Variants in OTOGL observed in about 807,000 individuals in gnomAD.
The protein encoded by OTOGL is otogelin-like protein.
Under a neutral mutation model 318.5 loss-of-function variants are expected in OTOGL, and 285 were observed. The ratio of observed to expected loss-of-function variants is 0.89; its 90% CI spans 0.81 to 0.99. The LOEUF (loss-of-function observed/expected upper bound fraction) is 0.99. Among genes scored for constraint, OTOGL ranks in the 50% least tolerant of loss-of-function variants. The pLI is 0.00. For missense variants in OTOGL, 2,899 were observed against 2,845.6 expected (o/e 1.02, Z -0.43); for synonymous variants, 987 against 936.5 (o/e 1.05, Z -0.99).
At chr12:80,221,029 G>A (rs1878270832) in intron 6 of OTOGL, among the ~76,000 whole-genome samples, 1 of 151,958 alleles carries the variant, frequency 6.6e-6, no homozygotes, top group Non-Finnish European at 1.5e-5. Context: ...TTACCTTTAT[G>A]CCCCCCACCC....
At chr12:80,130,209 G>T (rs1362042530) in intron 1 of OTOGL, among the ~76,000 whole-genome samples, 2 of 152,090 alleles carry the variant, frequency 1.3e-5, no homozygotes, top group African/African-American at 4.8e-5. Flanking sequence ...CATGCCCTGT[G>T]TTTGGAAGAG....
rs187733240 is a variant in OTOGL, at chr12:80,364,003, G to A, written c.6268-2571G>A. Among the ~76,000 whole-genome samples, 213 of 152,152 alleles carry A rather than the reference G, an allele frequency of 1.4e-3. 2 individuals carry two copies. Among genetic ancestry groups the A allele is most frequent in the Non-Finnish European group, 5.4e-4 (37 of 68,020 alleles). On this transcript the variant is annotated intron_variant, in intron 52 of 58. Transcript: ENST00000547103. The stretch of plus-strand genomic sequence containing the variant: ...TTTTCCCTCCCCAGCATTTGTGCTA[G>A]ATGCTGGCCCATCTAGCTTATTTCC...
chr12:80,256,246 T>C, intron 16 of OTOGL, 91 bp from the exon 17 acceptor site: 4 of 1,383,132 alleles, frequency 2.9e-6, no homozygotes, highest in Non-Finnish European at 9.8e-7. Flanking sequence ...CTTTCTCCCC[T>C]TCTCCCTTTC....
rs556305273 is a variant in OTOGL, at chr12:80,320,657, T to C, written c.4038T>C (p.Asp1346=). ...TDSSVKASKY[D]DSEEFKHSSS... ...CTAGTGTCAAAGCATCAAAATATGA[T>C]GATTCTGAAGAATTTAAACATTCAA... Residue 1346 remains aspartate (D), a synonymous_variant, in exon 34 of 59, where the codon GAT becomes GAC. Coordinates refer to ENST00000547103, the MANE Select transcript of OTOGL (RefSeq NM_001378609.3). 5 of 1,608,304 alleles carry C rather than the reference T, an allele frequency of 3.1e-6. No homozygotes were observed. The African/African-American group carries it at 4.0e-5, about 13-fold the overall frequency.
intron 1 of OTOGL, among the ~76,000 whole-genome samples, chr12:80,139,137 G>T (rs1871763452): frequency 6.6e-6 from 1 of 152,136 alleles, no homozygotes; most frequent in Non-Finnish European, 1.5e-5. Flanking sequence ...GGTGCAGATT[G>T]CTGGTGAGGA....
In OTOGL at chr12:80,378,472, T is replaced by C. The variant is rs1238889877; in HGVS notation, c.*424T>C. 6.3e-6 allele frequency: 1 copy of C among 158,392 alleles called. No individual in the cohort carries two copies. Among genetic ancestry groups the C allele is most frequent in the Non-Finnish European group, 1.4e-5 (1 of 71,382 alleles). The allele number at this position is 158,392 out of a possible 1,614,324, so 9.8% of individuals were successfully genotyped here. ...CCTTAATCTGGTAAATGTGATCAGTTAAAATTGTCATCTAGATAGCAATAA... is the reference window on the plus strand; with the variant it reads ...CCTTAATCTGGTAAATGTGATCAGTCAAAATTGTCATCTAGATAGCAATAA... On this transcript the variant is annotated 3_prime_UTR_variant, in exon 59 of 59. Transcript: ENST00000547103.
chr12:80,235,242 A>T (rs553346253), intron 9 of OTOGL, among the ~76,000 whole-genome samples: 2 of 152,192 alleles, frequency 1.3e-5, no homozygotes, highest in South Asian at 4.1e-4. Context: ...AGGCAGGTGG[A>T]TCACCTGAGG....
chr12:80,222,149 T>G lies in OTOGL; in HGVS notation c.393T>G (p.Phe131Leu). 1 of 1,598,458 alleles carries G rather than the reference T, an allele frequency of 6.3e-7. No individual in the cohort carries two copies. Among genetic ancestry groups the G allele is most frequent in the Non-Finnish European group, 8.5e-7 (1 of 1,178,894 alleles). ...GICKTWGQYH[F>L]ETFDGIYYYF... ...GTAAAACCTGGGGACAGTATCATTT[T>G]GAAACATTCGATGGCATCTACTATT... is the stretch of plus-strand genomic sequence containing the variant. Residue 131 changes from phenylalanine to leucine, a missense_variant, in exon 7 of 59, where the codon TTT becomes TTG. Around this residue, in one of 3 missense-constraint regions of OTOGL, gnomAD observed 2,607 missense variants for 2,524.9 expected, o/e 1.03. Coordinates refer to ENST00000547103, the MANE Select transcript of OTOGL (RefSeq NM_001378609.3).
intron 44 of OTOGL, among the ~76,000 whole-genome samples, chr12:80,348,574 A>C (rs1230760005): frequency 6.6e-6 from 1 of 152,182 alleles, no homozygotes; most frequent in Non-Finnish European, 1.5e-5. Context: ...CAAAGCAGGC[A>C]GAATAGTATC....
Position 80,217,682 on chromosome 12 carries a change from G to C in OTOGL, c.235+18G>C. The C allele has an allele frequency of 6.8e-7, 1 of 1,474,904 alleles. No individual in the cohort carries two copies. The highest frequency in any genetic ancestry group is 1.7e-4 in the Middle Eastern group (1 of 5,820). 91.4% of individuals were successfully genotyped at this position (1,474,904 alleles called of 1,614,324 possible). On this transcript the variant is annotated intron_variant, in intron 5 of 58. Transcript: ENST00000547103. ...AATAAAAGGTCAGTGTTTATACTTA[G>C]GTTTTCATATTTGCTTTCTCAGAAA...
In OTOGL at chr12:80,336,147, T is replaced by C; in HGVS notation, c.4600+7T>C. 1.3e-6 allele frequency: 2 copies of C among 1,571,262 alleles called. No individual in the cohort carries two copies. Among genetic ancestry groups the C allele is most frequent in the Non-Finnish European group, 1.7e-6 (2 of 1,170,554 alleles). On this transcript the variant is annotated splice_region_variant and intron_variant, in intron 39 of 58. Coordinates refer to ENST00000547103, the MANE Select transcript of OTOGL (RefSeq NM_001378609.3). Reference sequence around the variant, plus strand: ...CCTGAGTGGGAATGTCCTTGTAAGTTTGCATTTCTTAAGCGGTGATCTTTT... The same window carrying C: ...CCTGAGTGGGAATGTCCTTGTAAGTCTGCATTTCTTAAGCGGTGATCTTTT...
intron 45 of OTOGL, among the ~76,000 whole-genome samples, chr12:80,352,961 G>A (rs1405595890): frequency 6.6e-6 from 1 of 152,112 alleles, no homozygotes; most frequent in Admixed American, 6.6e-5. Flanking sequence ...TACTGAAAGT[G>A]TATTTTGGTT....
intron 1 of OTOGL, among the ~76,000 whole-genome samples, chr12:80,206,242 A>T (rs954797453): frequency 3.3e-5 from 5 of 151,446 alleles, no homozygotes; most frequent in African/African-American, 1.2e-4. Context: ...TTTCATCTAA[A>T]CTCTCTTCTA....
intron 9 of OTOGL, among the ~76,000 whole-genome samples, chr12:80,235,623 G>A (rs974469858): frequency 1.3e-4 from 20 of 152,126 alleles, no homozygotes; most frequent in Non-Finnish European, 2.9e-4. Flanking sequence ...AGACTTATAT[G>A]TTCCAGATAA....
intron 1 of OTOGL, among the ~76,000 whole-genome samples, chr12:80,196,317 C>CTAA (rs1876064397): frequency 6.6e-6 from 1 of 152,166 alleles, no homozygotes; most frequent in Non-Finnish European, 1.5e-5. Flanking sequence ...CAACTATGCA[C>CTAA]CTTACATGAC....
At chr12:80,268,567 C>T (rs1390074822) in intron 22 of OTOGL, among the ~76,000 whole-genome samples, 2 of 152,148 alleles carry the variant, frequency 1.3e-5, no homozygotes, top group Non-Finnish European at 2.9e-5. Context: ...ACAGTGGCAA[C>T]TAGCTCTTGG....
In OTOGL at chr12:80,166,396, C is replaced by A. The variant is rs1448216652; in HGVS notation, c.-19-43017C>A. On this transcript the variant is annotated intron_variant, in intron 1 of 58. Coordinates refer to ENST00000547103, the MANE Select transcript of OTOGL (RefSeq NM_001378609.3). ...TTATTTTCATTTGTGTAATCTAAGT[C>A]ATAAATCTAAGTCTTGCTCTTATTT... Among the ~76,000 whole-genome samples the A allele has an allele frequency of 2.0e-5, 3 of 152,250 alleles. No individual in the cohort carries two copies. In the East Asian group the frequency reaches 5.8e-4, roughly 29 times the overall value.
At chr12:80,371,639 C>T (rs1890880918) in intron 56 of OTOGL, among the ~76,000 whole-genome samples, 1 of 152,010 alleles carries the variant, frequency 6.6e-6, no homozygotes, top group African/African-American at 2.4e-5. Flanking sequence ...CAGTTATATT[C>T]AGAAACTCAA....
intron 1 of OTOGL, among the ~76,000 whole-genome samples, chr12:80,148,014 C>G (rs903143101): frequency 2.6e-5 from 4 of 152,086 alleles, no homozygotes; most frequent in South Asian, 2.1e-4. Flanking sequence ...TATCCAATTT[C>G]CCAGTCTGTG....
Sources: gnomAD v4.1 joint callset for allele counts (sites outside exome capture counted in the v4.1 genomes callset) on GRCh38, gnomAD v4.1.1 for gene constraint, gnomAD v4.1.1 regional missense constraint, MANE v1.5 for transcripts, NCBI Gene and HGNC (gene_info 2026-07-23, HGNC 2026-07-21) for gene names.